The following TMEM119 variants were observed in gnomAD, a reference collection of about 807,000 sequenced individuals.
TMEM119 encodes osteoblast induction factor.
For synonymous variants in TMEM119, 182 were observed against 176.4 expected, an observed-to-expected ratio of 1.03 and a Z score of -0.25; for missense variants, 410 against 381.0, an observed-to-expected ratio of 1.08 and a Z score of -0.63.
At position 108,591,355 on chromosome 12, in the gene TMEM119, C is replaced by T. The variant is rs988040198; in HGVS notation, c.*177G>A. 3.2e-5 allele frequency: 23 copies of T among 715,458 alleles called. No individual in the cohort carries two copies. Among genetic ancestry groups the T allele is most frequent in the South Asian group, 1.3e-4 (6 of 46,900 alleles). The allele number at this position is 715,458 out of a possible 1,614,324, so 44.3% of individuals were successfully genotyped here. The stretch of plus-strand genomic sequence containing the variant: ...ATGATGGCACTTGGTAAGATTCCTC[C>T]GGGGCACCGGGGACCAGCATTTCTG... On this transcript the variant is annotated 3_prime_UTR_variant, in exon 2 of 2. Coordinates refer to ENST00000392806, the MANE Select transcript of TMEM119 (RefSeq NM_181724.3). This position sits in a 1 kb window ranked among gnomAD's most constrained non-coding sequence, Gnocchi z 4.2.
chr12:108,592,398 C>T lies in TMEM119; in HGVS notation c.-14-1G>A. The T allele has an allele frequency of 1.3e-6, 2 of 1,539,938 alleles. No homozygotes were observed. The highest frequency in any genetic ancestry group is 1.7e-6 in the Non-Finnish European group (2 of 1,149,782). On this transcript the variant is annotated splice_acceptor_variant, in intron 1 of 1. Transcript: ENST00000392806. LOFTEE classifies it low-confidence loss of function (5UTR_SPLICE). This position sits in a 1 kb window ranked among gnomAD's most constrained non-coding sequence, Gnocchi z 4.3. ...GCCGAAACCATGGTGCCCCCAGGAC[C>T]TGTGAGACAGGAGGGAGGAGAGAAG...
intron 1 of TMEM119, among the ~76,000 whole-genome samples, chr12:108,596,452 G>A (rs888616795): frequency 7.3e-6 from 1 of 136,512 alleles, no homozygotes; most frequent in African/African-American, 2.7e-5. Flanking sequence ...ACACACACAC[G>A]AAGTCAGAGG....
chr12:108,593,147 A>G (rs538587764), intron 1 of TMEM119, among the ~76,000 whole-genome samples: 2 of 152,172 alleles, frequency 1.3e-5, no homozygotes, highest in Non-Finnish European at 2.9e-5. Context: ...CTTATTCTGC[A>G]AAAGATTCCT....
intron 1 of TMEM119, among the ~76,000 whole-genome samples, chr12:108,593,565 G>T (rs1339617306): frequency 1.3e-5 from 2 of 152,190 alleles, no homozygotes; most frequent in Admixed American, 1.3e-4. Context: ...TCACCCCCAG[G>T]CTCCAAGCAG....
At chr12:108,594,707 C>T (rs1268680960) in intron 1 of TMEM119, among the ~76,000 whole-genome samples, 1 of 151,832 alleles carries the variant, frequency 6.6e-6, no homozygotes, top group Non-Finnish European at 1.5e-5. Context: ...TTTGGGAGGC[C>T]GAGGCCGGAG....
At chr12:108,597,244 G>A (rs981308735) in intron 1 of TMEM119, among the ~76,000 whole-genome samples, 4 of 152,140 alleles carry the variant, frequency 2.6e-5, no homozygotes, top group Admixed American at 6.5e-5. Context: ...TTGAAGCTAG[G>A]GGACCGGGGG....
Position 108,591,431 on chromosome 12 carries a change from G to A in TMEM119, c.*101C>T. 4 of 1,356,302 alleles carry A rather than the reference G, an allele frequency of 2.9e-6. No homozygotes were observed. Among genetic ancestry groups the A allele is most frequent in the Non-Finnish European group, 4.0e-6 (4 of 1,005,900 alleles). The allele number at this position is 1,356,302 out of a possible 1,614,324, so 84.0% of individuals were successfully genotyped here. ...GGATTGGCACCACAGGGAGGCCAAG[G>A]AGGGAGTGTCAGGAAGCAGTCAGGG... On this transcript the variant is annotated 3_prime_UTR_variant, in exon 2 of 2. Coordinates refer to ENST00000392806, the MANE Select transcript of TMEM119 (RefSeq NM_181724.3). The surrounding 1 kb of genome is among the most constrained non-coding windows in gnomAD (Gnocchi z 4.2).
At chr12:108,596,945 T>G (rs1162493589) in intron 1 of TMEM119, among the ~76,000 whole-genome samples, 1 of 152,186 alleles carries the variant, frequency 6.6e-6, no homozygotes, top group East Asian at 1.9e-4. Flanking sequence ...GGAGGTCACT[T>G]CCCGGCTATG....
In TMEM119 at chr12:108,592,761, TG is replaced by T. The variant is rs140794054; in HGVS notation, c.-14-365del. Among the ~76,000 whole-genome samples the T allele has an allele frequency of 0.033, 4,990 of 152,290 alleles. 118 individuals are homozygous for T. Among genetic ancestry groups the T allele is most frequent in the Middle Eastern group, 0.048 (14 of 294 alleles). ...CAGCCACTGTTTTAAGTTTCTTACA[TG>T]GAACTTCTCAATGAATCCTGATCAC... On this transcript the variant is annotated intron_variant, in intron 1 of 1. Coordinates refer to ENST00000392806, the MANE Select transcript of TMEM119 (RefSeq NM_181724.3). The surrounding 1 kb of genome is among the most constrained non-coding windows in gnomAD (Gnocchi z 4.3).
At chr12:108,597,662 C>T (rs569312841) in intron 1 of TMEM119, among the ~76,000 whole-genome samples, 20 of 151,992 alleles carry the variant, frequency 1.3e-4, no homozygotes, top group Non-Finnish European at 2.4e-4. Flanking sequence ...AGGACAATAC[C>T]GTCCACATCA....
rs2031413700 is a variant in TMEM119 at position 108,591,990 on chromosome 12, A to T, written c.394T>A (p.Phe132Ile). ...QKASAYYPSS[F>I]PKKKYVDQSD... Reference sequence around the variant, plus strand: ...TGGTCCACGTACTTCTTCTTGGGGAAGGACGATGGGTAATAGGCCGAGGCC... The same window carrying T: ...TGGTCCACGTACTTCTTCTTGGGGATGGACGATGGGTAATAGGCCGAGGCC... Residue 132 changes from phenylalanine to isoleucine, a missense_variant, in exon 2 of 2, where the codon TTC becomes ATC. Phe to Ile is a conservative substitution (Grantham distance 21). Transcript: ENST00000392806. The surrounding 1 kb of genome is among the most constrained non-coding windows in gnomAD (Gnocchi z 4.2). 3 of 1,613,496 alleles carry T rather than the reference A, an allele frequency of 1.9e-6. No homozygotes were observed. The South Asian group carries it at 3.3e-5, about 18-fold the overall frequency.
intron 1 of TMEM119, chr12:108,594,502 G>C (rs943820000): frequency 1.4e-5 from 2 of 143,260 alleles, no homozygotes; most frequent in African/African-American, 5.4e-5. Flanking sequence ...GCTGCAGTGA[G>C]CGGAGTTGGC....
rs768179270 is a variant in TMEM119 at position 108,592,240 on chromosome 12, C to T, written c.144G>A (p.Ser48=). The change falls in exon 2 of 2, where the codon TCG becomes TCA. Residue 48 remains serine, a synonymous_variant. Coordinates refer to ENST00000392806, the MANE Select transcript of TMEM119 (RefSeq NM_181724.3). The surrounding 1 kb of genome is among the most constrained non-coding windows in gnomAD (Gnocchi z 4.3). ...VAGSGEAEGS[S]ASSPSLPPPW... is the part of the protein sequence containing the mutation. ...GTGGCGGGAGGCTCGGGGAGGAGGC[C>T]GACGAGCCCTCGGCCTCCCCACTAC... is the stretch of plus-strand genomic sequence containing the variant. The T allele has an allele frequency of 6.2e-6, 10 of 1,607,496 alleles. No individual in the cohort carries two copies. The East Asian group carries it at 6.7e-5, about 11-fold the overall frequency.
chr12:108,597,053 T>C (rs1473103109), intron 1 of TMEM119, among the ~76,000 whole-genome samples: 1 of 152,206 alleles, frequency 6.6e-6, no homozygotes, highest in East Asian at 1.9e-4. Context: ...TAGGACAAGA[T>C]GCGGCCATGC....
intron 1 of TMEM119, among the ~76,000 whole-genome samples, chr12:108,593,634 C>T (rs551934572): frequency 1.8e-4 from 27 of 152,234 alleles, no homozygotes; most frequent in African/African-American, 5.5e-4. Flanking sequence ...GCTGAGCTGC[C>T]GATGCGCCCC....
intron 1 of TMEM119, among the ~76,000 whole-genome samples, chr12:108,593,492 C>A (rs1425326954): frequency 6.6e-6 from 1 of 152,114 alleles, no homozygotes; most frequent in Non-Finnish European, 1.5e-5. Flanking sequence ...GCCTCCAGGT[C>A]TCTGAGCTAG....
Position 108,592,370 on chromosome 12 carries a change from G to A in TMEM119, c.14C>T (p.Ala5Val). The part of the protein sequence containing the change: MVSA[A>V]APSLLILLLL... ...CAGAAGGATGAGGAGGCTGGGGGCT[G>A]CCGCCGAAACCATGGTGCCCCCAGG... Residue 5 changes from alanine to valine, a missense_variant, in exon 2 of 2, where the codon GCA (alanine) becomes GTA (valine). Physicochemically the swap from Ala to Val is moderately conservative, Grantham distance 64. Coordinates refer to ENST00000392806, the MANE Select transcript of TMEM119 (RefSeq NM_181724.3). The surrounding 1 kb of genome is among the most constrained non-coding windows in gnomAD (Gnocchi z 4.3). 1 of 1,558,678 alleles carries A rather than the reference G, an allele frequency of 6.4e-7. No homozygotes were observed. Among genetic ancestry groups the A allele is most frequent in the East Asian group, 2.4e-5 (1 of 42,112 alleles).
Position 108,592,436 on chromosome 12 carries a change from T to G in TMEM119, c.-14-39A>C. The G allele has an allele frequency of 2.0e-6, 3 of 1,503,650 alleles. No individual in the cohort carries two copies. Among genetic ancestry groups the G allele is most frequent in the Non-Finnish European group, 1.8e-6 (2 of 1,132,864 alleles). The allele number at this position is 1,503,650 out of a possible 1,614,324, so 93.1% of individuals were successfully genotyped here. A position where few individuals can be genotyped will look rare whatever the true frequency, so the allele number is the denominator to read the frequency against. On this transcript the variant is annotated intron_variant, in intron 1 of 1. Coordinates refer to ENST00000392806, the MANE Select transcript of TMEM119 (RefSeq NM_181724.3). This position sits in a 1 kb window ranked among gnomAD's most constrained non-coding sequence, Gnocchi z 4.3. Reference sequence around the variant, plus strand: ...GGGAGGAGAGAAGTCATGGCGGAACTCTAGAGTGTCAGGATTCAGAAACAG... The same window carrying G: ...GGGAGGAGAGAAGTCATGGCGGAACGCTAGAGTGTCAGGATTCAGAAACAG...
At chr12:108,593,561 C>T (rs2031455015) in intron 1 of TMEM119, among the ~76,000 whole-genome samples, 1 of 152,180 alleles carries the variant, frequency 6.6e-6, no homozygotes, top group Admixed American at 6.5e-5. Context: ...GCCCTCACCC[C>T]CAGGCTCCAA....
Sources: gnomAD v4.1 joint callset for allele counts (sites outside exome capture counted in the v4.1 genomes callset) on GRCh38, gnomAD v4.1.1 for gene constraint, Gnocchi (gnomAD v3.1) non-coding constraint, MANE v1.5 for transcripts, NCBI Gene and HGNC (gene_info 2026-07-23, HGNC 2026-07-21) for gene names.